RARB: variants seen among roughly 807,000 people sequenced by gnomAD.
RARB encodes the protein retinoic acid receptor beta.
In RARB, 17 loss-of-function variants were observed where a neutral mutation model predicts 51.9. That is an observed-to-expected ratio of 0.33 (90% confidence interval 0.22 to 0.49). RARB has a LOEUF of 0.49. Ranked by LOEUF, RARB falls within the 20% of genes least tolerant of loss-of-function variation. The pLI is 0.99. For synonymous variants in RARB, 215 were observed against 195.4 expected, an observed-to-expected ratio of 1.10 and a Z score of -0.84; for missense variants, 369 against 550.8, an observed-to-expected ratio of 0.67 and a Z score of 3.30.
chr3:25,043,627 G>A (rs1034891810), intron 2 of RARB, among the ~76,000 whole-genome samples: 7 of 152,126 alleles, frequency 4.6e-5, no homozygotes. Context: ...GATAAAGTAG[G>A]CGTTACAGGG....
chr3:25,015,156 C>T (rs1697481884), intron 2 of RARB, among the ~76,000 whole-genome samples: 1 of 152,062 alleles, frequency 6.6e-6, no homozygotes, highest in Admixed American at 6.6e-5. Context: ...AATTGAGGTT[C>T]TGTAGCAAAA....
chr3:25,195,790 TA>T (rs1192466920), intron 5 of RARB, among the ~76,000 whole-genome samples: 1 of 152,008 alleles, frequency 6.6e-6, no homozygotes, highest in African/African-American at 2.4e-5. Context: ...AATCAGATTT[TA>T]AAAGAAAGCC....
chr3:25,370,513 G>A (rs1489783742), intron 5 of RARB, among the ~76,000 whole-genome samples: 2 of 152,210 alleles, frequency 1.3e-5, no homozygotes, highest in African/African-American at 4.8e-5. Flanking sequence ...GAGGAACAGG[G>A]CAGGTGAAAA....
At chr3:25,390,730 C>T (rs1355734009) in intron 5 of RARB, among the ~76,000 whole-genome samples, 1 of 152,086 alleles carries the variant, frequency 6.6e-6, no homozygotes, top group East Asian at 1.9e-4. Context: ...AAAAATTACT[C>T]TTTTGGGATA....
intron 1 of RARB, among the ~76,000 whole-genome samples, chr3:25,430,992 T>C (rs1708183750): frequency 6.6e-6 from 1 of 150,494 alleles, no homozygotes; most frequent in Non-Finnish European, 1.5e-5. Context: ...CTAAAACTTT[T>C]TTTTTTTTTT....
At chr3:25,066,002 T>C (rs1698654136) in intron 3 of RARB, among the ~76,000 whole-genome samples, 1 of 152,196 alleles carries the variant, frequency 6.6e-6, no homozygotes, top group African/African-American at 2.4e-5. Context: ...TGTGCATTTT[T>C]TTCCAGAAAA....
At chr3:25,417,519 T>G (rs1707737854) in intron 5 of RARB, among the ~76,000 whole-genome samples, 1 of 152,114 alleles carries the variant, frequency 6.6e-6, no homozygotes, top group Non-Finnish European at 1.5e-5. Flanking sequence ...ATCCAATGGT[T>G]TTAAAAATGG....
intron 3 of RARB, among the ~76,000 whole-genome samples, chr3:25,539,581 C>CT (rs34726255): frequency 0.65 from 67,384 of 103,642 alleles, 20,968 homozygotes; most frequent in African/African-American, 0.82. Flanking sequence ...CCCTTTATTT[C>CT]TTTTTTTTTT....
At chr3:24,917,417 C>T (rs1436809750) in intron 2 of RARB, among the ~76,000 whole-genome samples, 1 of 152,178 alleles carries the variant, frequency 6.6e-6, no homozygotes, top group East Asian at 1.9e-4. Flanking sequence ...ATTTGATGAA[C>T]TCATATCCAG....
intron 3 of RARB, among the ~76,000 whole-genome samples, chr3:25,532,740 T>C (rs1461175403): frequency 6.6e-6 from 1 of 152,226 alleles, no homozygotes; most frequent in Non-Finnish European, 1.5e-5. Context: ...TAAAGAGGCT[T>C]CCTATAACTG....
intron 2 of RARB, among the ~76,000 whole-genome samples, chr3:25,024,839 G>A (rs114152889): frequency 0.01 from 1,573 of 151,188 alleles, 21 homozygotes; most frequent in South Asian, 0.017. Flanking sequence ...AGTAGTCCCA[G>A]CTACTATGGA....
rs1467979252 is a variant in RARB, at chr3:24,859,469, T to A, written c.-380+717T>A. Reference sequence around the variant, plus strand: ...CCACGTTATTGTACTCACCTGGAAGTTAAACAGACTCTTCTAAAGCAGCTC... The same window carrying A: ...CCACGTTATTGTACTCACCTGGAAGATAAACAGACTCTTCTAAAGCAGCTC... On this transcript the variant is annotated intron_variant, in intron 2 of 11. Coordinates refer to the RARB transcript ENST00000383772. 2.0e-5 allele frequency among the ~76,000 whole-genome samples: 3 copies of A among 152,208 alleles called. No individual in the cohort carries two copies. In the East Asian group the frequency reaches 5.8e-4, roughly 29 times the overall value.
intron 5 of RARB, among the ~76,000 whole-genome samples, chr3:25,251,243 T>C (rs1702711271): frequency 2.6e-5 from 4 of 152,202 alleles, no homozygotes; most frequent in African/African-American, 9.6e-5. Context: ...TTTATAGATA[T>C]AGAATGTTAT....
intron 2 of RARB, among the ~76,000 whole-genome samples, chr3:24,958,761 T>G (rs1282130318): frequency 6.6e-6 from 1 of 152,214 alleles, no homozygotes; most frequent in Admixed American, 6.5e-5. Flanking sequence ...AGATAAGTCT[T>G]TGGCCATGAA....
intron 5 of RARB, among the ~76,000 whole-genome samples, chr3:25,378,880 G>A (rs1215620631): frequency 6.6e-6 from 1 of 152,096 alleles, no homozygotes. Context: ...CAGCTTGAGA[G>A]GAAAAAAACC....
intron 5 of RARB, among the ~76,000 whole-genome samples, chr3:25,334,595 A>G (rs1242056181): frequency 6.6e-6 from 1 of 152,156 alleles, no homozygotes; most frequent in Admixed American, 6.6e-5. Context: ...AAGTTATTGG[A>G]TGCAGCACAC....
intron 3 of RARB, among the ~76,000 whole-genome samples, chr3:25,553,509 A>G (rs1369648210): frequency 1.3e-5 from 2 of 152,206 alleles, no homozygotes; most frequent in African/African-American, 4.8e-5. Context: ...ATGCTTATAA[A>G]GGAAGAATTG....
chr3:25,509,253 A>G (rs1408174257), intron 3 of RARB, among the ~76,000 whole-genome samples: 1 of 152,206 alleles, frequency 6.6e-6, no homozygotes, highest in African/African-American at 2.4e-5. Context: ...AGATTATCAC[A>G]GAAATGTTGC....
intron 2 of RARB, among the ~76,000 whole-genome samples, chr3:24,899,385 A>G (rs879426619): frequency 1.3e-5 from 2 of 152,134 alleles, no homozygotes; most frequent in African/African-American, 2.4e-5. Flanking sequence ...GTACTCAGTT[A>G]TCTCCCAGCG....
Sources: gnomAD v4.1 joint callset for allele counts (sites outside exome capture counted in the v4.1 genomes callset) on GRCh38, gnomAD v4.1.1 for gene constraint, MANE v1.5 for transcripts, NCBI Gene and HGNC (gene_info 2026-07-23, HGNC 2026-07-21) for gene names.